Variants in JADE3 observed in about 807,000 individuals in gnomAD.
JADE3 encodes the protein jade family PHD finger 3.
JADE3 carries 2 observed loss-of-function variants against 50.1 expected under a neutral mutation model. The ratio of observed to expected loss-of-function variants is 0.04; its 90% confidence interval spans 0.02 to 0.13. The LOEUF is 0.13. Among genes scored for constraint, JADE3 ranks in the 10% least tolerant of loss-of-function variants. The probability of loss-of-function intolerance (pLI) is 1.00; values close to 1 mark genes in which losing one functional copy is unlikely to be tolerated. For missense variants in JADE3, 475 were observed against 634.4 expected (o/e 0.75, Z 2.70); for synonymous variants, 218 against 232.9 (o/e 0.94, Z 0.58).
chrX:47,053,471 C>T (rs1245182064), intron 8 of JADE3, among the ~76,000 whole-genome samples: 1 of 110,959 alleles, frequency 9.0e-6, no homozygotes, highest in Non-Finnish European at 1.9e-5. Flanking sequence ...GTTGCCCAAG[C>T]TGGTCTCGAA....
intron 1 of JADE3, among the ~76,000 whole-genome samples, chrX:46,923,732 G>T (rs920139227): frequency 9.1e-6 from 1 of 110,406 alleles, no homozygotes; most frequent in Non-Finnish European, 1.9e-5. Context: ...AGAGATTTCT[G>T]ATTTCTCTAG....
chrX:47,027,125 A>T (rs782035550), intron 5 of JADE3, among the ~76,000 whole-genome samples: 1 of 112,023 alleles, frequency 8.9e-6, no homozygotes, highest in Non-Finnish European at 1.9e-5. Flanking sequence ...ATTATTCCGG[A>T]GTTTACAAGT....
At position 47,025,069 on chromosome X, in the gene JADE3, A is replaced by G. The variant is rs147044876; in HGVS notation, c.475+155A>G. Among the ~76,000 whole-genome samples the G allele has an allele frequency of 3.8e-3, 424 of 111,116 alleles. 1 individual carries two copies. The highest frequency in any genetic ancestry group is 0.013 in the African/African-American group (411 of 30,522). ...TGATTTTATCTTATTTCAGTGAGATATTTCTTCAAATGCATACATAGAAAT... is the reference window on the plus strand; with the variant it reads ...TGATTTTATCTTATTTCAGTGAGATGTTTCTTCAAATGCATACATAGAAAT... On this transcript the variant is annotated intron_variant, in intron 5 of 10. Transcript: ENST00000614628.
intron 1 of JADE3, among the ~76,000 whole-genome samples, chrX:46,922,138 C>T (rs1411553104): frequency 5.6e-5 from 6 of 107,930 alleles, no homozygotes; most frequent in Non-Finnish European, 9.6e-5. Flanking sequence ...TCCCATTGTT[C>T]GACTCTCCCA....
At chrX:47,004,722 T>G (rs1461543014) in intron 4 of JADE3, among the ~76,000 whole-genome samples, 2 of 112,893 alleles carry the variant, frequency 1.8e-5, no homozygotes, top group East Asian at 5.5e-4. Context: ...CGTGAGCCAC[T>G]GCACATGGCA....
chrX:46,984,872 T>C lies in JADE3; in HGVS notation c.-11-12T>C. On this transcript the variant is annotated splice_polypyrimidine_tract_variant and intron_variant, in intron 1 of 10. Transcript: ENST00000614628. ...TGTGAACTGTTTTATTCAGTGTTTT[T>C]CTTTTTCCCAGGATGCTCCAGGATG... 8.3e-7 allele frequency: 1 copy of C among 1,201,456 alleles called. No homozygotes were observed. Among genetic ancestry groups the C allele is most frequent in the East Asian group, 3.0e-5 (1 of 33,802 alleles).
At chrX:47,049,755 CT>C (rs536912145) in intron 8 of JADE3, among the ~76,000 whole-genome samples, 8,541 of 55,975 alleles carry the variant, frequency 0.15, 367 homozygotes, top group Non-Finnish European at 0.23. Context: ...TCTTCTTCTT[CT>C]TTTTTTTTTT....
chrX:46,978,825 C>G (rs1459673398), intron 1 of JADE3, among the ~76,000 whole-genome samples: 2 of 111,850 alleles, frequency 1.8e-5, no homozygotes, highest in African/African-American at 6.5e-5. Flanking sequence ...CGCTTTAATG[C>G]TTCTGAGCCC....
intron 1 of JADE3, among the ~76,000 whole-genome samples, chrX:46,956,670 G>A (rs1412818262): frequency 9.2e-6 from 1 of 108,285 alleles, no homozygotes; most frequent in Non-Finnish European, 1.9e-5. Flanking sequence ...GGTACTGCAG[G>A]TGTGCATCAC....
intron 1 of JADE3, among the ~76,000 whole-genome samples, chrX:46,917,876 TCTCTCTCTCATCCTCTCTCTCTCTCATC>T (rs1569533785): frequency 1.1e-4 from 11 of 102,881 alleles, no homozygotes; most frequent in African/African-American, 3.3e-4. Flanking sequence ...TCTCTCTCTC[TCTCTCTCTCATCCTCTCTCTCTCTCATC>T]CTCTCTCATC....
intron 1 of JADE3, among the ~76,000 whole-genome samples, chrX:46,926,275 G>C (rs1308014475): frequency 9.5e-6 from 1 of 105,783 alleles, no homozygotes; most frequent in East Asian, 3.0e-4. Context: ...TTTAAGACAG[G>C]GTGTCACTTT....
intron 1 of JADE3, among the ~76,000 whole-genome samples, chrX:46,979,716 G>C (rs1393214591): frequency 9.0e-6 from 1 of 110,580 alleles, no homozygotes; most frequent in African/African-American, 3.3e-5. Flanking sequence ...TCCATGATTT[G>C]ATATTTTCAC....
intron 1 of JADE3, among the ~76,000 whole-genome samples, chrX:46,918,791 G>A (rs1220252933): frequency 8.9e-6 from 1 of 112,057 alleles, no homozygotes; most frequent in African/African-American, 3.2e-5. Context: ...TGGTCTTGAA[G>A]TCACAGAGTA....
At chrX:46,994,037 T>G (rs781986117) in intron 3 of JADE3, among the ~76,000 whole-genome samples, 2 of 112,312 alleles carry the variant, frequency 1.8e-5, no homozygotes, top group Admixed American at 9.5e-5. Context: ...ATCTCTCTGC[T>G]TTATTCACAC....
chrX:46,916,216 A>G lies in JADE3; in HGVS notation c.-12+3497A>G, dbSNP rs782724439. Among the ~76,000 whole-genome samples the G allele has an allele frequency of 1.3e-4, 15 of 112,616 alleles. No homozygotes were observed. In the South Asian group the frequency reaches 1.8e-3, roughly 14 times the overall value. ...TACAAACTGTTATAAGAATAGTACA[A>G]AGAACTCACTATATTCCCAATTAGT... On this transcript the variant is annotated intron_variant, in intron 1 of 10. Transcript: ENST00000614628.
At chrX:46,953,552 T>C (rs1439158052) in intron 1 of JADE3, among the ~76,000 whole-genome samples, 4 of 111,524 alleles carry the variant, frequency 3.6e-5, no homozygotes, top group African/African-American at 1.3e-4. Context: ...GAACCGGAAG[T>C]CTTCACTGAT....
At chrX:47,048,526 A>G (rs1217662541) in intron 8 of JADE3, among the ~76,000 whole-genome samples, 5 of 112,508 alleles carry the variant, frequency 4.4e-5, no homozygotes, top group Admixed American at 2.8e-4. Flanking sequence ...GTTCTAATAC[A>G]TGCTACAACA....
chrX:47,033,677 C>G lies in JADE3; in HGVS notation c.744C>G (p.Val248=). Residue 248 remains valine, a synonymous_variant, in exon 7 of 11, where the codon GTC becomes GTG. Transcript: ENST00000614628. The stretch of plus-strand genomic sequence containing the variant: ...GCAGCTGGCTGTGTCGCTCCTGTGT[C>G]CTGGGCATTTATCCGCAATGTGTGT... ...PEGSWLCRSC[V]LGIYPQCVLC... is the part of the protein sequence containing the mutation. 1.7e-6 allele frequency: 2 copies of G among 1,208,634 alleles called. No individual in the cohort carries two copies. Among genetic ancestry groups the G allele is most frequent in the Non-Finnish European group, 2.2e-6 (2 of 893,970 alleles).
At chrX:47,046,940 G>A (rs1160898331) in intron 8 of JADE3, among the ~76,000 whole-genome samples, 4 of 112,025 alleles carry the variant, frequency 3.6e-5, no homozygotes, top group East Asian at 2.8e-4. Flanking sequence ...TGCTTGAGGT[G>A]TGGGATAGAA....
Sources: gnomAD v4.1 joint callset for allele counts (sites outside exome capture counted in the v4.1 genomes callset) on GRCh38, gnomAD v4.1.1 for gene constraint, MANE v1.5 for transcripts, NCBI Gene and HGNC (gene_info 2026-07-23, HGNC 2026-07-21) for gene names.